The following PDE1A variants were observed in gnomAD, a reference collection of about 807,000 sequenced individuals.
The protein encoded by PDE1A is phosphodiesterase 1A.
A neutral mutation model predicts 61.7 loss-of-function variants in PDE1A; 35 were observed. The observed-to-expected ratio is 0.57, with a 90% confidence interval of 0.43 to 0.75. PDE1A has a LOEUF of 0.75. Ranked by LOEUF, PDE1A falls within the 30% of genes least tolerant of loss-of-function variation. The pLI, the probability that PDE1A is intolerant of heterozygous loss-of-function variation, is 0.00. For synonymous variants in PDE1A, 232 were observed against 213.2 expected, an observed-to-expected ratio of 1.09 and a Z score of -0.77; for missense variants, 597 against 630.6, an observed-to-expected ratio of 0.95 and a Z score of 0.57.
the PDE1A span, among the ~76,000 whole-genome samples, chr2:182,700,351 C>A: frequency 1.1e-5 from 1 of 94,330 alleles, no homozygotes; most frequent in South Asian, 3.8e-4. Context: ...GTGGGTGGAT[C>A]ACCTGAGGTC....
chr2:182,538,730 T>C, the PDE1A span, among the ~76,000 whole-genome samples: 1 of 152,222 alleles, frequency 6.6e-6, no homozygotes, highest in Non-Finnish European at 1.5e-5. Flanking sequence ...TCCTCTACTA[T>C]ATTCCATGAC....
intron 13 of PDE1A, among the ~76,000 whole-genome samples, chr2:182,151,756 A>G (rs543082836): frequency 2.6e-5 from 4 of 152,224 alleles, no homozygotes; most frequent in Non-Finnish European, 4.4e-5. Flanking sequence ...CCTCAAATCC[A>G]TAATTAAAAG....
chr2:182,390,551 G>A (rs1240258440), intron 1 of PDE1A, among the ~76,000 whole-genome samples: 1 of 152,182 alleles, frequency 6.6e-6, no homozygotes, highest in Non-Finnish European at 1.5e-5. Flanking sequence ...CCTGGCTCCA[G>A]AAGCATATAC....
chr2:182,429,876 A>G (rs1365067307), upstream of PDE1A, among the ~76,000 whole-genome samples: 1 of 152,182 alleles, frequency 6.6e-6, no homozygotes, highest in Non-Finnish European at 1.5e-5. Flanking sequence ...ATGCCATCCC[A>G]AGCACTGGAA....
chr2:182,487,364 T>C (rs560878559), intron 2 of PDE1A, among the ~76,000 whole-genome samples: 17 of 152,284 alleles, frequency 1.1e-4, no homozygotes, highest in African/African-American at 4.1e-4. Flanking sequence ...AGCTTACGAA[T>C]GGATTAAACC....
chr2:182,143,660 C>T (rs1690341603), downstream of PDE1A, among the ~76,000 whole-genome samples: 1 of 151,648 alleles, frequency 6.6e-6, no homozygotes, highest in Non-Finnish European at 1.5e-5. Flanking sequence ...GGACTACAGG[C>T]GCCCGCCACT....
At chr2:182,509,163 G>C (rs1689624897) in intron 2 of PDE1A, among the ~76,000 whole-genome samples, 1 of 152,092 alleles carries the variant, frequency 6.6e-6, no homozygotes, top group South Asian at 2.1e-4. Context: ...GTGTACCAAA[G>C]GCCAAATAAG....
At chr2:182,393,653 A>T (rs1701544970) in intron 1 of PDE1A, among the ~76,000 whole-genome samples, 1 of 152,188 alleles carries the variant, frequency 6.6e-6, no homozygotes, top group Non-Finnish European at 1.5e-5. Flanking sequence ...TGAATAAAAA[A>T]CTGAATGCTT....
At chr2:182,336,629 G>T (rs1020389794) in intron 1 of PDE1A, among the ~76,000 whole-genome samples, 1 of 152,092 alleles carries the variant, frequency 6.6e-6, no homozygotes, top group Non-Finnish European at 1.5e-5. Context: ...CGGGTAGGGG[G>T]CTAGGGGAGG....
intron 13 of PDE1A, among the ~76,000 whole-genome samples, chr2:182,155,389 G>T (rs1320574467): frequency 6.6e-6 from 1 of 151,942 alleles, no homozygotes; most frequent in Non-Finnish European, 1.5e-5. Flanking sequence ...ATGTCCAGCT[G>T]GGAAATTCTG....
At chr2:182,677,859 C>T in the PDE1A span, among the ~76,000 whole-genome samples, 2 of 152,152 alleles carry the variant, frequency 1.3e-5, no homozygotes, top group Admixed American at 6.5e-5. Flanking sequence ...ACAACATATA[C>T]AAAAATCAAT....
intron 1 of PDE1A, among the ~76,000 whole-genome samples, chr2:182,304,135 G>A (rs775236188): frequency 2.6e-5 from 4 of 152,018 alleles, no homozygotes; most frequent in South Asian, 2.1e-4. Flanking sequence ...CTCCTGCCTC[G>A]GACTCCCAAA....
intron 1 of PDE1A, among the ~76,000 whole-genome samples, chr2:182,341,101 G>A (rs993518850): frequency 2.0e-5 from 3 of 152,150 alleles, no homozygotes; most frequent in African/African-American, 4.8e-5. Flanking sequence ...GTTTTCAATA[G>A]TATGTTACTC....
chr2:182,518,646 TA>T (rs1690366319), intron 2 of PDE1A, among the ~76,000 whole-genome samples: 1 of 152,190 alleles, frequency 6.6e-6, no homozygotes, highest in African/African-American at 2.4e-5. Flanking sequence ...ACTATGTTTA[TA>T]AAAACTGAAG....
At chr2:182,253,559 G>A (rs1392797166) in intron 2 of PDE1A, among the ~76,000 whole-genome samples, 1 of 152,026 alleles carries the variant, frequency 6.6e-6, no homozygotes. Context: ...TGCCATTTAT[G>A]CAATTCTCAT....
intron 1 of PDE1A, among the ~76,000 whole-genome samples, chr2:182,294,828 G>A (rs1313304218): frequency 1.3e-5 from 2 of 152,044 alleles, no homozygotes; most frequent in Non-Finnish European, 2.9e-5. Context: ...TGTTTACAGA[G>A]GTGAGCCATG....
chr2:182,151,091 T>G (rs1038092801), intron 13 of PDE1A, among the ~76,000 whole-genome samples: 1 of 152,076 alleles, frequency 6.6e-6, no homozygotes, highest in African/African-American at 2.4e-5. Flanking sequence ...GCAAACTTAT[T>G]ATTATTATTT....
At chr2:182,299,532 T>C (rs965129009) in intron 1 of PDE1A, among the ~76,000 whole-genome samples, 4 of 149,504 alleles carry the variant, frequency 2.7e-5, no homozygotes, top group African/African-American at 9.9e-5. Context: ...GTCATCTCCA[T>C]CATATTCCCA....
chr2:182,378,643 GC>G (rs1700555879), intron 1 of PDE1A, among the ~76,000 whole-genome samples: 1 of 152,164 alleles, frequency 6.6e-6, no homozygotes, highest in Non-Finnish European at 1.5e-5. Context: ...AGACCCGTTT[GC>G]ATGTTACTGT....
Sources: gnomAD v4.1 joint callset for allele counts (sites outside exome capture counted in the v4.1 genomes callset) on GRCh38, gnomAD v4.1.1 for gene constraint, MANE v1.5 for transcripts, NCBI Gene and HGNC (gene_info 2026-07-23, HGNC 2026-07-21) for gene names.